IMPG1: variants seen among roughly 807,000 people sequenced by gnomAD.
IMPG1 encodes the protein interphotoreceptor matrix proteoglycan of 150 kDa.
In IMPG1, 85 loss-of-function variants were observed where a neutral mutation model predicts 92.0. That is an observed-to-expected ratio of 0.92 (90% CI 0.78 to 1.11). The LOEUF (loss-of-function observed/expected upper bound fraction) is 1.11, where lower values mean the gene tolerates loss of function less well. Ranked by LOEUF, IMPG1 falls within the 50% of genes least tolerant of loss-of-function variation. IMPG1 has a pLI of 0.00. For missense variants in IMPG1, 1,022 were observed against 956.0 expected, an observed-to-expected ratio of 1.07 and a Z score of -0.91; for synonymous variants, 367 against 334.1, an observed-to-expected ratio of 1.10 and a Z score of -1.08.
At chr6:76,014,334 G>C (rs1465746681) in intron 7 of IMPG1, among the ~76,000 whole-genome samples, 1 of 152,180 alleles carries the variant, frequency 6.6e-6, no homozygotes, top group Non-Finnish European at 1.5e-5. Context: ...AGTCATTTTT[G>C]AAACTCAGAG....
rs1784074560 is a variant in IMPG1 at position 76,053,432 on chromosome 6, A to G, written c.68-11306T>C. On this transcript the variant is annotated intron_variant, in intron 1 of 16. Transcript: ENST00000369950. ...TGGGGACAACAAGTAACAAGAATTC[A>G]GAGACCCACTAAGAGCTTATAAAAC... 2.0e-5 allele frequency among the ~76,000 whole-genome samples: 3 copies of G among 152,338 alleles called. 1 individual carries two copies. In the South Asian group the frequency reaches 6.2e-4, roughly 32 times the overall value.
At chr6:76,038,211 T>C (rs1263227395) in intron 2 of IMPG1, among the ~76,000 whole-genome samples, 2 of 152,188 alleles carry the variant, frequency 1.3e-5, no homozygotes, top group Non-Finnish European at 2.9e-5. Context: ...TCTTCCTAGT[T>C]CTGCTCCTTT....
intron 12 of IMPG1, among the ~76,000 whole-genome samples, chr6:75,965,098 C>T (rs1481792805): frequency 6.6e-6 from 1 of 152,168 alleles, no homozygotes; most frequent in South Asian, 2.1e-4. Flanking sequence ...TAACCATTTA[C>T]TCTTGAAGGA....
chr6:75,927,343 G>T (rs1414236521), intron 15 of IMPG1, among the ~76,000 whole-genome samples: 2 of 151,994 alleles, frequency 1.3e-5, no homozygotes, highest in African/African-American at 2.4e-5. Context: ...CTTAAATTTG[G>T]GTCTAACTTT....
chr6:75,946,526 C>A (rs1781931995), intron 14 of IMPG1, among the ~76,000 whole-genome samples: 1 of 152,202 alleles, frequency 6.6e-6, no homozygotes. Context: ...GAATAAAGGA[C>A]TTCTTTCAAT....
chr6:75,965,975 C>G (rs781611361), intron 12 of IMPG1, among the ~76,000 whole-genome samples: 1 of 152,126 alleles, frequency 6.6e-6, no homozygotes, highest in Non-Finnish European at 1.5e-5. Flanking sequence ...TCTTCTCATC[C>G]TCTTAACAGT....
Position 76,021,778 on chromosome 6 carries a change from C to CATATATATATATATATATATATATAT in IMPG1, c.666+337_666+338insATATATATATATATATATATATATAT, listed in dbSNP as rs140827081. The stretch of plus-strand genomic sequence containing the variant: ...TTCATTCATTCTAACACTTGGAGAG[C>CATATATATATATATATATATATATAT]ATATATATATATATATATATATATG... On this transcript the variant is annotated intron_variant, in intron 6 of 16. Transcript: ENST00000369950. Among the ~76,000 whole-genome samples, 41 of 49,476 alleles carry CATATATATATATATATATATATATAT rather than the reference C, an allele frequency of 8.3e-4. 2 individuals carry two copies. Among genetic ancestry groups the CATATATATATATATATATATATATAT allele is most frequent in the South Asian group, 1.3e-3 (1 of 762 alleles). 32.5% of individuals were successfully genotyped at this position (49,476 alleles called of 152,430 possible). A position where few individuals can be genotyped will look rare whatever the true frequency, so the allele number is the denominator to read the frequency against.
chr6:75,998,725 C>T (rs561305577), intron 12 of IMPG1, among the ~76,000 whole-genome samples: 17 of 152,314 alleles, frequency 1.1e-4, no homozygotes, highest in South Asian at 2.1e-4. Flanking sequence ...GCCGCCTACA[C>T]GTCTAAACCA....
At chr6:76,054,557 A>T (rs546422575) in intron 1 of IMPG1, among the ~76,000 whole-genome samples, 3 of 152,272 alleles carry the variant, frequency 2.0e-5, no homozygotes, top group Admixed American at 1.3e-4. Context: ...AATGGAAAAA[A>T]GTTATAATAG....
rs1562343209 is a variant in IMPG1, at chr6:75,946,640, G to C, written c.2044+674C>G. Among the ~76,000 whole-genome samples, 3 of 152,174 alleles carry C rather than the reference G, an allele frequency of 2.0e-5. No individual in the cohort carries two copies. The South Asian group carries it at 6.2e-4, about 32-fold the overall frequency. On this transcript the variant is annotated intron_variant, in intron 14 of 16. Coordinates refer to ENST00000369950, the MANE Select transcript of IMPG1 (RefSeq NM_001563.4). ...TCTTTGCTTTATTATCAGAGCAAAT[G>C]TTTGCTTTCTCTTGTGTGGCTTTGG...
At chr6:75,947,273 A>G (rs1482601702) in intron 14 of IMPG1, 41 bp downstream of exon 14, 1 of 1,496,010 alleles carries the variant, frequency 6.7e-7, no homozygotes, top group Non-Finnish European at 9.3e-7. Flanking sequence ...TAAAAAAATG[A>G]ACAAAACATC....
chr6:76,056,161 G>A (rs1021275328), intron 1 of IMPG1, among the ~76,000 whole-genome samples: 2 of 151,996 alleles, frequency 1.3e-5, no homozygotes, highest in African/African-American at 2.4e-5. Flanking sequence ...CAGGAATGTA[G>A]GGTTGGCTTA....
intron 12 of IMPG1, among the ~76,000 whole-genome samples, chr6:75,961,708 T>A (rs558405141): frequency 6.6e-6 from 1 of 152,224 alleles, no homozygotes. Context: ...GAGTTAGCCA[T>A]GCAGCAAATG....
chr6:75,983,510 A>C (rs1782662850), intron 12 of IMPG1, among the ~76,000 whole-genome samples: 1 of 152,210 alleles, frequency 6.6e-6, no homozygotes, highest in South Asian at 2.1e-4. Flanking sequence ...GTTTGGGACA[A>C]CTGGCTATCC....
chr6:76,039,024 C>T (rs928336603), intron 2 of IMPG1, among the ~76,000 whole-genome samples: 3 of 152,210 alleles, frequency 2.0e-5, no homozygotes, highest in African/African-American at 7.2e-5. Flanking sequence ...GAGTTCTACC[C>T]CCGTTCTGCT....
chr6:76,050,275 A>G (rs1343433152), intron 1 of IMPG1, among the ~76,000 whole-genome samples: 1 of 152,074 alleles, frequency 6.6e-6, no homozygotes. Flanking sequence ...ACCCATCTCT[A>G]CTAAAAATAT....
intron 14 of IMPG1, 81 bp from the exon 15 acceptor site, chr6:75,931,232 A>C: frequency 7.6e-7 from 1 of 1,324,126 alleles, no homozygotes; most frequent in East Asian, 2.5e-5. Context: ...CAAGAGACCA[A>C]ATACATTTGC....
At chr6:76,006,333 A>G (rs1261628068) in intron 9 of IMPG1, among the ~76,000 whole-genome samples, 3 of 148,588 alleles carry the variant, frequency 2.0e-5, no homozygotes, top group Non-Finnish European at 4.5e-5. Context: ...TGTATATTAT[A>G]TATATGCACA....
chr6:76,061,833 C>A (rs1164984106), intron 1 of IMPG1, among the ~76,000 whole-genome samples: 3 of 152,228 alleles, frequency 2.0e-5, no homozygotes, highest in African/African-American at 4.8e-5. Context: ...CCATTATGAA[C>A]CTCAAAGAAA....
Sources: allele counts gnomAD v4.1 joint callset (sites outside exome capture counted in the v4.1 genomes callset), GRCh38; gene constraint gnomAD v4.1.1; transcripts MANE v1.5; gene names NCBI Gene and HGNC (gene_info 2026-07-23, HGNC 2026-07-21).